Variants in ILRUN observed in about 807,000 individuals in gnomAD.
ILRUN encodes the protein protein ILRUN.
ILRUN carries 3 observed loss-of-function variants against 33.8 expected under a neutral mutation model. The ratio of observed to expected loss-of-function variants is 0.09; its 90% CI spans 0.04 to 0.23. ILRUN has a LOEUF of 0.23. Ranked by LOEUF, ILRUN falls within the 10% of genes least tolerant of loss-of-function variation. The pLI, the probability that ILRUN is intolerant of heterozygous loss-of-function variation, is 1.00. For missense variants in ILRUN, 210 were observed against 375.1 expected (o/e 0.56, Z 3.64); for synonymous variants, 124 against 138.9 (o/e 0.89, Z 0.75).
chr6:34,685,290 A>G (rs1294236270), intron 1 of ILRUN: 1 of 152,156 alleles, frequency 6.6e-6, no homozygotes, highest in African/African-American at 2.4e-5. Context: ...GGCTGGAGTA[A>G]GGAAAAGGAT....
In ILRUN at chr6:34,624,553, C is replaced by T. The variant is rs6908049; in HGVS notation, c.512-17649G>A. ...TTCACCATGTTCACCAGGCTGATCT[C>T]GAACTCCTGACCTCAGGTGATCCAC... On this transcript the variant is annotated intron_variant, in intron 3 of 4. Transcript: ENST00000374023. Among the ~76,000 whole-genome samples the T allele has an allele frequency of 6.5e-3, 988 of 151,424 alleles. 12 individuals carry two copies. The highest frequency in any genetic ancestry group is 0.02 in the African/African-American group (843 of 41,244).
Position 34,646,921 on chromosome 6 carries a change from A to G in ILRUN, c.314-123T>C, listed in dbSNP as rs1762573404. On this transcript the variant is annotated intron_variant, in intron 2 of 4. Coordinates refer to ENST00000374023, the MANE Select transcript of ILRUN (RefSeq NM_024294.4). The surrounding 1 kb of genome is among the most constrained non-coding windows in gnomAD (Gnocchi z 4.9). Reference sequence around the variant, plus strand: ...CACATACATACATAAACCTAACCACATATACCTAAGCCATATATTGTCTCA... The same window carrying G: ...CACATACATACATAAACCTAACCACGTATACCTAAGCCATATATTGTCTCA... 4 of 800,524 alleles carry G rather than the reference A, an allele frequency of 5.0e-6. No homozygotes were observed. The highest frequency in any genetic ancestry group is 2.3e-5 in the Admixed American group (1 of 43,384). The allele number at this position is 800,524 out of a possible 1,614,324, so 49.6% of individuals were successfully genotyped here.
chr6:34,639,672 G>A (rs780856881), intron 3 of ILRUN, among the ~76,000 whole-genome samples: 9 of 152,170 alleles, frequency 5.9e-5, no homozygotes, highest in Middle Eastern at 3.4e-3. Flanking sequence ...GAAGACTTCC[G>A]GACCATATAC....
intron 4 of ILRUN, among the ~76,000 whole-genome samples, chr6:34,604,561 A>G (rs752604634): frequency 1.3e-5 from 2 of 152,186 alleles, no homozygotes; most frequent in African/African-American, 4.8e-5. Flanking sequence ...ATTAAACCCA[A>G]CAGACTGAAG....
At chr6:34,632,904 G>A (rs1436577135) in intron 3 of ILRUN, among the ~76,000 whole-genome samples, 1 of 152,102 alleles carries the variant, frequency 6.6e-6, no homozygotes, top group Non-Finnish European at 1.5e-5. Context: ...CTTCAACTAA[G>A]AGAACAAAAC....
intron 2 of ILRUN, among the ~76,000 whole-genome samples, chr6:34,654,256 G>A (rs560036916): frequency 7.9e-5 from 12 of 151,988 alleles, no homozygotes; most frequent in Non-Finnish European, 1.2e-4. Flanking sequence ...CCTCTAGCCT[G>A]CTGGAAATGA....
chr6:34,587,488 C>A lies in ILRUN; in HGVS notation c.*3077G>T, dbSNP rs1008465969. ...CACCCAAGGAAACAAAGGAAAGGTG[C>A]GGCGAGGCAGGGTGGGGTGAGTAAT... On this transcript the variant is annotated 3_prime_UTR_variant, in exon 5 of 5. Coordinates refer to ENST00000374023, the MANE Select transcript of ILRUN (RefSeq NM_024294.4). The A allele has an allele frequency of 6.6e-6, 1 of 152,656 alleles. No homozygotes were observed. Among genetic ancestry groups the A allele is most frequent in the Non-Finnish European group, 1.5e-5 (1 of 68,072 alleles). The allele number at this position is 152,656 out of a possible 1,614,324, so 9.5% of individuals were successfully genotyped here.
At chr6:34,601,710 C>CTCCA (rs556146116) in intron 4 of ILRUN, among the ~76,000 whole-genome samples, 2 of 148,162 alleles carry the variant, frequency 1.3e-5, no homozygotes, top group African/African-American at 4.9e-5. Flanking sequence ...TACCCGCCCC[C>CTCCA]CCAACTACTG....
intron 4 of ILRUN, among the ~76,000 whole-genome samples, chr6:34,591,327 T>C (rs924006890): frequency 6.6e-6 from 1 of 151,936 alleles, no homozygotes; most frequent in Non-Finnish European, 1.5e-5. Context: ...CCCACCCCTA[T>C]AAAAATTTTT....
At chr6:34,603,673 A>AC (rs902956737) in intron 4 of ILRUN, among the ~76,000 whole-genome samples, 3 of 152,128 alleles carry the variant, frequency 2.0e-5, no homozygotes, top group Non-Finnish European at 2.9e-5. Flanking sequence ...AACCCAAAAC[A>AC]CAAATTATAT....
chr6:34,683,749 T>A (rs532676753), intron 1 of ILRUN, among the ~76,000 whole-genome samples: 1 of 151,782 alleles, frequency 6.6e-6, no homozygotes, highest in East Asian at 1.9e-4. Context: ...ATACTTGAAT[T>A]AATTGCCAAC....
chr6:34,607,316 C>T (rs1008949978), intron 3 of ILRUN, among the ~76,000 whole-genome samples: 1 of 152,172 alleles, frequency 6.6e-6, no homozygotes, highest in African/African-American at 2.4e-5. Context: ...AGAATTACAA[C>T]TTTATCAATG....
intron 3 of ILRUN, among the ~76,000 whole-genome samples, chr6:34,609,769 A>C (rs1357623801): frequency 6.6e-6 from 1 of 152,178 alleles, no homozygotes; most frequent in African/African-American, 2.4e-5. Context: ...GGAATTAGCA[A>C]TTTCTTTCTC....
rs57559266 is a variant in ILRUN, at chr6:34,637,864, CTGTTGTTGTTGTTGTTGT to C, written c.511+8719_511+8736del. Among the ~76,000 whole-genome samples, 11 of 142,020 alleles carry C rather than the reference CTGTTGTTGTTGTTGTTGT, an allele frequency of 7.7e-5. No homozygotes were observed. In the South Asian group the frequency reaches 2.4e-3, roughly 31 times the overall value. 93.2% of individuals were successfully genotyped at this position (142,020 alleles called of 152,430 possible). A position where few individuals can be genotyped will look rare whatever the true frequency, so the allele number is the denominator to read the frequency against. ...GTTGTTGCTGCTGCTGCTGCTGCTGCTGTTGTTGTTGTTGTTGTTGTTGTTGTTGTTGTTGTTGTTGAA... is the reference window on the plus strand; with the variant it reads ...GTTGTTGCTGCTGCTGCTGCTGCTGCTGTTGTTGTTGTTGTTGTTGTTGAA... On this transcript the variant is annotated intron_variant, in intron 3 of 4. Coordinates refer to ENST00000374023, the MANE Select transcript of ILRUN (RefSeq NM_024294.4).
At chr6:34,613,859 T>G (rs2744971) in intron 3 of ILRUN, among the ~76,000 whole-genome samples, 25,221 of 152,062 alleles carry the variant, frequency 0.17, 2,295 homozygotes, top group African/African-American at 0.23. Flanking sequence ...GTGCCCAGAT[T>G]TTGGTTTCTA....
intron 3 of ILRUN, among the ~76,000 whole-genome samples, chr6:34,641,191 C>G (rs1051434302): frequency 6.6e-6 from 1 of 151,898 alleles, no homozygotes; most frequent in Non-Finnish European, 1.5e-5. Context: ...AGAGAAGTTA[C>G]CTAATTTGTC....
intron 3 of ILRUN, among the ~76,000 whole-genome samples, chr6:34,627,700 G>A (rs1164913456): frequency 1.4e-5 from 2 of 144,166 alleles, no homozygotes; most frequent in East Asian, 3.9e-4. Context: ...TCAGGTCTTT[G>A]GCCCTTTTTT....
chr6:34,634,068 G>A (rs1423106139), intron 3 of ILRUN, among the ~76,000 whole-genome samples: 9 of 151,956 alleles, frequency 5.9e-5, no homozygotes, highest in Admixed American at 5.9e-4. Flanking sequence ...GACCAGCCTG[G>A]ACAAGCTAGC....
At chr6:34,633,038 C>T (rs1762279964) in intron 3 of ILRUN, among the ~76,000 whole-genome samples, 1 of 152,064 alleles carries the variant, frequency 6.6e-6, no homozygotes, top group African/African-American at 2.4e-5. Flanking sequence ...CAACTACATG[C>T]TATCTATAAG....
Sources: allele counts gnomAD v4.1 joint callset (sites outside exome capture counted in the v4.1 genomes callset), GRCh38; gene constraint gnomAD v4.1.1; non-coding constraint Gnocchi (gnomAD v3.1); transcripts MANE v1.5; gene names NCBI Gene and HGNC (gene_info 2026-07-23, HGNC 2026-07-21).